IFT88: variants seen among roughly 807,000 people sequenced by gnomAD.
The protein encoded by IFT88 is intraflagellar transport 88, also known as intraflagellar transport protein 88 homolog.
IFT88 carries 74 observed loss-of-function variants against 119.5 expected under a neutral mutation model. That is an observed-to-expected ratio of 0.62 (90% CI 0.51 to 0.75). IFT88 has a LOEUF of 0.75. Among genes scored for constraint, IFT88 ranks in the 30% least tolerant of loss-of-function variants. The pLI, the probability that IFT88 is intolerant of heterozygous loss-of-function variation, is 0.00. For missense variants in IFT88, 961 were observed against 977.7 expected (o/e 0.98, Z 0.23); for synonymous variants, 279 against 316.7 (o/e 0.88, Z 1.26).
At chr13:20,670,134 T>G (rs189671603) in intron 23 of IFT88, among the ~76,000 whole-genome samples, 1 of 152,334 alleles carries the variant, frequency 6.6e-6, no homozygotes, top group Admixed American at 6.5e-5. Flanking sequence ...AAATATGAAA[T>G]TATGTTTATG....
At chr13:20,592,989 A>G (rs2040972241) in intron 7 of IFT88, among the ~76,000 whole-genome samples, 1 of 152,200 alleles carries the variant, frequency 6.6e-6, no homozygotes. Flanking sequence ...CTAATTTTTT[A>G]TCAGGGCCAG....
intron 17 of IFT88, among the ~76,000 whole-genome samples, chr13:20,639,935 C>A (rs149704976): frequency 6.6e-6 from 1 of 151,400 alleles, no homozygotes; most frequent in Non-Finnish European, 1.5e-5. Flanking sequence ...ACCACAGGTG[C>A]GCTCCACTAC....
At chr13:20,670,731 G>T (rs538090160) in intron 23 of IFT88, among the ~76,000 whole-genome samples, 1 of 151,618 alleles carries the variant, frequency 6.6e-6, no homozygotes, top group Non-Finnish European at 1.5e-5. Flanking sequence ...CCAAGGTTAC[G>T]CTGCACTTTT....
chr13:20,628,990 A>C (rs2047773478), intron 15 of IFT88, among the ~76,000 whole-genome samples: 1 of 152,190 alleles, frequency 6.6e-6, no homozygotes, highest in Non-Finnish European at 1.5e-5. Flanking sequence ...AAGGGACTAT[A>C]ACACTCCTTT....
chr13:20,645,414 T>G (rs1272531794), intron 20 of IFT88, among the ~76,000 whole-genome samples: 1 of 152,210 alleles, frequency 6.6e-6, no homozygotes, highest in Non-Finnish European at 1.5e-5. Context: ...TTCTTATATT[T>G]TATTCCATTT....
chr13:20,608,431 G>A (rs761433449), intron 13 of IFT88, among the ~76,000 whole-genome samples: 7 of 152,142 alleles, frequency 4.6e-5, no homozygotes, highest in Non-Finnish European at 1.0e-4. Context: ...GGTCCCTGCC[G>A]AGATCTTGGC....
chr13:20,690,775 G>A lies in IFT88; in HGVS notation c.2313G>A (p.Gly771=), dbSNP rs1273229192. Residue 771 remains glycine, a synonymous_variant, in exon 25 of 26, where the codon GGG becomes GGA. Coordinates refer to ENST00000351808, the MANE Select transcript of IFT88 (RefSeq NM_006531.5). ...GTGCCAGACTCAGAGCTTTACCTGG[G>A]ACAAATGAACCTTATGAAAGTAGCA... is the stretch of plus-strand genomic sequence containing the variant. The part of the protein sequence containing the change: ...RLSARLRALP[G]TNEPYESSSN... 1.9e-6 allele frequency: 3 copies of A among 1,613,840 alleles called. No homozygotes were observed. The South Asian group carries it at 3.3e-5, about 18-fold the overall frequency.
chr13:20,644,708 G>A (rs1235809882), intron 19 of IFT88, 135 bp from the exon 20 acceptor site: 1 of 420,436 alleles, frequency 2.4e-6, no homozygotes, highest in East Asian at 3.5e-5. Context: ...AATTTACAAA[G>A]TACTTAGGAC....
chr13:20,656,878 A>C (rs2052898308), intron 22 of IFT88, among the ~76,000 whole-genome samples: 1 of 152,102 alleles, frequency 6.6e-6, no homozygotes, highest in Admixed American at 6.6e-5. Flanking sequence ...ATTTTTTTTT[A>C]GACAGAGTCT....
intron 20 of IFT88, among the ~76,000 whole-genome samples, chr13:20,649,763 CA>C (rs908840890): frequency 2.2e-4 from 34 of 151,204 alleles, no homozygotes; most frequent in African/African-American, 7.5e-4. Context: ...GAAGGACTAA[CA>C]AAAAAAAGAG....
intron 13 of IFT88, chr13:20,607,580 G>T (rs2043722722): frequency 2.7e-6 from 2 of 741,486 alleles, no homozygotes; most frequent in Non-Finnish European, 5.0e-6. Flanking sequence ...GAGATTTGCG[G>T]ATCCACCATC....
At chr13:20,608,775 G>C (rs2043957033) in intron 13 of IFT88, among the ~76,000 whole-genome samples, 1 of 152,184 alleles carries the variant, frequency 6.6e-6, no homozygotes, top group African/African-American at 2.4e-5. Context: ...AGGTTCCAAA[G>C]TGAAAAGCGA....
At chr13:20,591,275 T>TA (rs1179819023) in intron 5 of IFT88, among the ~76,000 whole-genome samples, 1 of 152,180 alleles carries the variant, frequency 6.6e-6, no homozygotes, top group African/African-American at 2.4e-5. Context: ...TAATTGCTTA[T>TA]ATGATGTATT....
chr13:20,657,762 A>AAAT (rs1566384707), intron 22 of IFT88, among the ~76,000 whole-genome samples: 11 of 151,040 alleles, frequency 7.3e-5, no homozygotes, highest in African/African-American at 2.7e-4. Context: ...ATTCTGTCTC[A>AAAT]AAATAAATAA....
chr13:20,615,161 T>C (rs1322653457), intron 13 of IFT88, among the ~76,000 whole-genome samples: 1 of 152,186 alleles, frequency 6.6e-6, no homozygotes, highest in Non-Finnish European at 1.5e-5. Flanking sequence ...AAAGAACAAG[T>C]TATAGAATAG....
intron 15 of IFT88, among the ~76,000 whole-genome samples, chr13:20,629,126 T>A (rs1477442803): frequency 1.3e-5 from 2 of 152,190 alleles, no homozygotes; most frequent in African/African-American, 4.8e-5. Flanking sequence ...TTGTATGAGT[T>A]ACACCTATTC....
Position 20,669,584 on chromosome 13 carries a change from C to T in IFT88, c.2176-1389C>T, listed in dbSNP as rs368782778. Among the ~76,000 whole-genome samples the T allele has an allele frequency of 1.8e-3, 270 of 151,964 alleles. 1 individual carries two copies. Among genetic ancestry groups the T allele is most frequent in the Non-Finnish European group, 3.2e-3 (216 of 67,972 alleles). On this transcript the variant is annotated intron_variant, in intron 23 of 25. Coordinates refer to ENST00000351808, the MANE Select transcript of IFT88 (RefSeq NM_006531.5). ...GATTACAGGCGCCTGCCACCACACCCGGCTAATTTTTATATTTTTAGTAGA... is the reference window on the plus strand; with the variant it reads ...GATTACAGGCGCCTGCCACCACACCTGGCTAATTTTTATATTTTTAGTAGA...
At chr13:20,651,436 G>T (rs796771273) in intron 20 of IFT88, among the ~76,000 whole-genome samples, 52 of 145,764 alleles carry the variant, frequency 3.6e-4, no homozygotes, top group African/African-American at 1.3e-3. Flanking sequence ...ACATGTTTGT[G>T]TAAGTATCTG....
Position 20,683,603 on chromosome 13 carries a change from G to A in IFT88, c.2243-7102G>A, listed in dbSNP as rs568368465. Among the ~76,000 whole-genome samples the A allele has an allele frequency of 1.3e-3, 193 of 152,306 alleles. 1 individual carries two copies. The highest frequency in any genetic ancestry group is 2.2e-3 in the Non-Finnish European group (152 of 68,022). ...CCAACTCTGTTAAATTGAGTGGGTT[G>A]AATTGGCCATGCGGATGGCCAGTGC... On this transcript the variant is annotated intron_variant, in intron 24 of 25. Transcript: ENST00000351808.
Sources: gnomAD v4.1 joint callset for allele counts (sites outside exome capture counted in the v4.1 genomes callset) on GRCh38, gnomAD v4.1.1 for gene constraint, MANE v1.5 for transcripts, NCBI Gene and HGNC (gene_info 2026-07-23, HGNC 2026-07-21) for gene names.